FZR1: variants seen among roughly 807,000 people sequenced by gnomAD.
FZR1 encodes fizzy and cell division cycle 20 related 1.
FZR1 carries 11 observed loss-of-function variants against 63.6 expected under a neutral mutation model. The ratio of observed to expected loss-of-function variants is 0.17; its 90% CI spans 0.11 to 0.29. FZR1 has a LOEUF of 0.29. Among genes scored for constraint, FZR1 ranks in the 10% least tolerant of loss-of-function variants. FZR1 has a pLI of 1.00. For synonymous variants in FZR1, 328 were observed against 297.9 expected (o/e 1.10, Z -1.04); for missense variants, 440 against 687.5 (o/e 0.64, Z 4.03).
In FZR1 at chr19:3,533,575, A is replaced by G. The variant is rs2083268882; in HGVS notation, c.1347+177A>G. On this transcript the variant is annotated intron_variant, in intron 12 of 13. Coordinates refer to ENST00000441788, the MANE Select transcript of FZR1 (RefSeq NM_016263.4). This position sits in a 1 kb window ranked among gnomAD's most constrained non-coding sequence, Gnocchi z 4.9. ...GTGCTGGTTGTGTTGCCAGCGTTGGAATGGGCTCTACCGAACTCCCCAGCC... is the reference window on the plus strand; with the variant it reads ...GTGCTGGTTGTGTTGCCAGCGTTGGGATGGGCTCTACCGAACTCCCCAGCC... 1 of 592,700 alleles carries G rather than the reference A, an allele frequency of 1.7e-6. No individual in the cohort carries two copies. Among genetic ancestry groups the G allele is most frequent in the Non-Finnish European group, 3.0e-6 (1 of 329,116 alleles). 36.7% of individuals were successfully genotyped at this position (592,700 alleles called of 1,614,324 possible).
intron 7 of FZR1, among the ~76,000 whole-genome samples, chr19:3,528,464 GT>G (rs1315044747): frequency 2.0e-5 from 3 of 152,246 alleles, no homozygotes; most frequent in African/African-American, 7.2e-5. Context: ...CAGGAGCCGT[GT>G]AGCTCTGGGC....
At chr19:3,531,027 G>A (rs1185981922) in intron 8 of FZR1, among the ~76,000 whole-genome samples, 170 bp downstream of exon 8, 3 of 152,066 alleles carry the variant, frequency 2.0e-5, no homozygotes, top group African/African-American at 4.8e-5. Context: ...GGTAGAGGGA[G>A]TAACAGGGAT....
At position 3,533,237 on chromosome 19, in the gene FZR1, G is replaced by A. The variant is rs2083265724; in HGVS notation, c.1243-57G>A. The A allele has an allele frequency of 5.7e-6, 6 of 1,053,448 alleles. No homozygotes were observed. The South Asian group carries it at 7.5e-5, about 13-fold the overall frequency. The allele number at this position is 1,053,448 out of a possible 1,614,324, so 65.3% of individuals were successfully genotyped here. On this transcript the variant is annotated intron_variant, in intron 11 of 13. Transcript: ENST00000441788. This position sits in a 1 kb window ranked among gnomAD's most constrained non-coding sequence, Gnocchi z 4.9. Reference sequence around the variant, plus strand: ...CAGGCGGGTGCATGTGAGGCAGCAGGCATAGCACCCGGCCTCGTTGCCCCT... The same window carrying A: ...CAGGCGGGTGCATGTGAGGCAGCAGACATAGCACCCGGCCTCGTTGCCCCT...
At chr19:3,530,977 G>C in intron 8 of FZR1, 120 bp downstream of exon 8, 1 of 697,230 alleles carries the variant, frequency 1.4e-6, no homozygotes, top group Non-Finnish European at 2.4e-6. Context: ...TCCAAGCATA[G>C]GTCTGTGTCC....
chr19:3,514,548 A>G lies in FZR1; in HGVS notation c.-35+8074A>G, dbSNP rs1313811328. ...TGGGGGCAGAATCACCCTGGTTAAG[A>G]CCCCCTGGGTTATGGGATTCCATGG... On this transcript the variant is annotated intron_variant, in intron 1 of 13. Coordinates refer to ENST00000441788, the MANE Select transcript of FZR1 (RefSeq NM_016263.4). The surrounding 1 kb of genome is among the most constrained non-coding windows in gnomAD (Gnocchi z 4.2). Among the ~76,000 whole-genome samples, 2 of 151,536 alleles carry G rather than the reference A, an allele frequency of 1.3e-5. No homozygotes were observed. The highest frequency in any genetic ancestry group is 2.9e-5 in the Non-Finnish European group (2 of 67,862).
Position 3,532,513 on chromosome 19 carries a change from G to T in FZR1, c.1105G>T (p.Gly369Trp). The change falls in exon 11 of 14, where the codon GGG becomes TGG. Residue 369 changes from glycine to tryptophan, a missense_variant. Gly to Trp is a radical substitution (Grantham distance 184, BLOSUM62 -2). This residue lies in a region of FZR1 where 208 missense variants were observed against 363.6 expected (regional missense o/e 0.57). Transcript: ENST00000441788. Reference protein sequence around the residue: ...KAIAWSPHQHGLLASGGGTAD... With the variant: ...KAIAWSPHQHWLLASGGGTAD... ...CATCGCCTGGTCCCCACATCAGCAC[G>T]GGCTGCTGGCCTCGGGGGGCGGCAC... The T allele has an allele frequency of 6.2e-7, 1 of 1,609,934 alleles. No individual in the cohort carries two copies. The highest frequency in any genetic ancestry group is 8.5e-7 in the Non-Finnish European group (1 of 1,178,380).
At chr19:3,507,008 C>A (rs1323756940) in intron 1 of FZR1, among the ~76,000 whole-genome samples, 1 of 152,184 alleles carries the variant, frequency 6.6e-6, no homozygotes, top group Non-Finnish European at 1.5e-5. Context: ...AGCCCCTCGC[C>A]CCAGTAAAAT....
At chr19:3,510,205 C>A (rs1012790150) in intron 1 of FZR1, among the ~76,000 whole-genome samples, 11 of 152,146 alleles carry the variant, frequency 7.2e-5, no homozygotes, top group Admixed American at 3.9e-4. Context: ...GGCGCAATCA[C>A]AACTCACTGC....
chr19:3,513,155 G>T (rs1016013564), intron 1 of FZR1, among the ~76,000 whole-genome samples: 3 of 152,080 alleles, frequency 2.0e-5, no homozygotes, highest in Non-Finnish European at 4.4e-5. Flanking sequence ...CTTTGCAGGG[G>T]TTGGGACCTG....
intron 1 of FZR1, chr19:3,521,239 CTG>C (rs1161153957): frequency 1.3e-5 from 2 of 152,236 alleles, no homozygotes. Context: ...CATGTGGTGA[CTG>C]TGGGTTTCTC....
At chr19:3,528,159 A>G (rs2083181299) in intron 7 of FZR1, among the ~76,000 whole-genome samples, 1 of 152,218 alleles carries the variant, frequency 6.6e-6, no homozygotes, top group African/African-American at 2.4e-5. Context: ...AAGAAGAGAC[A>G]GGTGTCCCAG....
intron 1 of FZR1, among the ~76,000 whole-genome samples, chr19:3,508,597 G>T (rs2083002822): frequency 6.6e-6 from 1 of 152,216 alleles, no homozygotes; most frequent in Non-Finnish European, 1.5e-5. Flanking sequence ...AATGGAATTG[G>T]TTCTGAGGAC....
intron 7 of FZR1, among the ~76,000 whole-genome samples, chr19:3,530,191 TGAGCGGATGGGA>T (rs1267762059): frequency 2.0e-5 from 2 of 99,484 alleles, no homozygotes; most frequent in African/African-American, 4.3e-5. Flanking sequence ...AGTGGATGGT[TGAGCGGATGGGA>T]GAGCAGATGG....
chr19:3,506,914 C>T (rs964918700), intron 1 of FZR1, among the ~76,000 whole-genome samples: 5 of 152,208 alleles, frequency 3.3e-5, no homozygotes, highest in African/African-American at 1.2e-4. Flanking sequence ...CCAGTTCAGA[C>T]CCTCCCAGCT....
chr19:3,530,476 G>A (rs1599791087), intron 7 of FZR1, among the ~76,000 whole-genome samples: 1 of 107,884 alleles, frequency 9.3e-6, no homozygotes, highest in African/African-American at 3.7e-5. Flanking sequence ...GAGCGCATGG[G>A]AGAGCGCATG....
Position 3,526,320 on chromosome 19 carries a change from G to T in FZR1, c.321G>T (p.Val107=), listed in dbSNP as rs2121969562. 3.7e-6 allele frequency: 6 copies of T among 1,604,300 alleles called. No homozygotes were observed. Among genetic ancestry groups the T allele is most frequent in the Non-Finnish European group, 5.1e-6 (6 of 1,176,202 alleles). The change falls in exon 5 of 14, where the codon GTG becomes GTT. Residue 107 remains valine, a synonymous_variant. Transcript: ENST00000441788. The surrounding 1 kb of genome is among the most constrained non-coding windows in gnomAD (Gnocchi z 5.4). The part of the protein sequence containing the change: ...NELLGAGIEK[V]QDPQTEDRRL... ...TGCTGGGTGCCGGCATCGAGAAGGTGCAGGACCCGCAGACTGAGGACCGCA... is the reference window on the plus strand; with the variant it reads ...TGCTGGGTGCCGGCATCGAGAAGGTTCAGGACCCGCAGACTGAGGACCGCA...
intron 13 of FZR1, 104 bp from the exon 14 acceptor site, chr19:3,534,691 C>CT (rs2083279666): frequency 9.2e-7 from 1 of 1,090,246 alleles, no homozygotes; most frequent in African/African-American, 1.5e-5. Context: ...GAACTGGCAC[C>CT]TCCCAGCCCC....
At chr19:3,512,236 A>G (rs2083029478) in intron 1 of FZR1, among the ~76,000 whole-genome samples, 1 of 152,188 alleles carries the variant, frequency 6.6e-6, no homozygotes. Context: ...TCCCGGGCCC[A>G]GCCAGCATCC....
chr19:3,522,803 G>A (rs1020363437), intron 1 of FZR1, among the ~76,000 whole-genome samples, 153 bp from the exon 2 acceptor site: 1 of 152,130 alleles, frequency 6.6e-6, no homozygotes, highest in Non-Finnish European at 1.5e-5. Flanking sequence ...GCCTCACCTA[G>A]GATGAGGCTA....
Sources: gnomAD v4.1 joint callset for allele counts (sites outside exome capture counted in the v4.1 genomes callset) on GRCh38, gnomAD v4.1.1 for gene constraint, gnomAD v4.1.1 regional missense constraint, Gnocchi (gnomAD v3.1) non-coding constraint, MANE v1.5 for transcripts, NCBI Gene and HGNC (gene_info 2026-07-23, HGNC 2026-07-21) for gene names.